Variants in FAM184A observed in about 807,000 individuals in gnomAD.
FAM184A encodes the protein family with sequence similarity 184 member A.
FAM184A carries 99 observed loss-of-function variants against 143.8 expected under a neutral mutation model. The ratio of observed to expected loss-of-function variants is 0.69; its 90% CI spans 0.58 to 0.81. The LOEUF (loss-of-function observed/expected upper bound fraction) is 0.81. Among genes scored for constraint, FAM184A ranks in the 40% least tolerant of loss-of-function variants. The pLI, the probability that FAM184A is intolerant of heterozygous loss-of-function variation, is 0.00. For missense variants in FAM184A, 1,217 were observed against 1,310.5 expected (o/e 0.93, Z 1.10); for synonymous variants, 427 against 446.4 (o/e 0.96, Z 0.55).
chr6:119,082,250 G>A (rs540815946), upstream of FAM184A, among the ~76,000 whole-genome samples: 1 of 152,140 alleles, frequency 6.6e-6, no homozygotes, highest in African/African-American at 2.4e-5. Flanking sequence ...AACACATGGG[G>A]ATTTCAATTC....
chr6:118,982,231 T>C (rs1365343436), intron 9 of FAM184A, among the ~76,000 whole-genome samples: 3 of 152,108 alleles, frequency 2.0e-5, no homozygotes, highest in East Asian at 1.9e-4. Flanking sequence ...AGAACAAAAA[T>C]AGACATTTGT....
intron 14 of FAM184A, among the ~76,000 whole-genome samples, chr6:118,970,357 A>G (rs1000814645): frequency 6.6e-6 from 1 of 151,926 alleles, no homozygotes; most frequent in African/African-American, 2.4e-5. Context: ...ACTCTATTTC[A>G]CAACACTCAG....
chr6:119,058,640 CTT>C (rs1196377810), intron 1 of FAM184A, among the ~76,000 whole-genome samples: 1 of 152,192 alleles, frequency 6.6e-6, no homozygotes, highest in Admixed American at 6.5e-5. Flanking sequence ...TTCCGGAACA[CTT>C]AGTCTCCAGG....
intron 1 of FAM184A, among the ~76,000 whole-genome samples, chr6:119,034,540 A>T (rs1786033123): frequency 6.6e-6 from 1 of 150,930 alleles, no homozygotes; most frequent in African/African-American, 2.4e-5. Flanking sequence ...TTGAGTCGTC[A>T]TATTCTTTGT....
intron 6 of FAM184A, among the ~76,000 whole-genome samples, chr6:119,010,981 AT>A (rs1167554422): frequency 3.3e-5 from 5 of 152,164 alleles, no homozygotes; most frequent in African/African-American, 1.2e-4. Flanking sequence ...TTCTGTTGAA[AT>A]TGTAGAAAAA....
chr6:119,028,847 C>T (rs1489810778), intron 1 of FAM184A, among the ~76,000 whole-genome samples: 1 of 152,120 alleles, frequency 6.6e-6, no homozygotes, highest in Admixed American at 6.6e-5. Flanking sequence ...AGCCTTTAAC[C>T]TGTGGAATCT....
chr6:119,118,919 C>G (rs1210155553), intron 1 of FAM184A, among the ~76,000 whole-genome samples: 2 of 152,112 alleles, frequency 1.3e-5, no homozygotes, highest in African/African-American at 2.4e-5. Flanking sequence ...CTTTCAAAAG[C>G]AAATGGGAGA....
chr6:119,105,484 C>T (rs1321214356), intron 1 of FAM184A, among the ~76,000 whole-genome samples: 1 of 152,154 alleles, frequency 6.6e-6, no homozygotes, highest in Non-Finnish European at 1.5e-5. Flanking sequence ...TCCCCTTTGC[C>T]TTCCACCATG....
intron 1 of FAM184A, among the ~76,000 whole-genome samples, chr6:119,094,582 G>A (rs945363527): frequency 3.3e-5 from 5 of 152,140 alleles, no homozygotes; most frequent in African/African-American, 1.2e-4. Context: ...GAGTAAACCT[G>A]TTCCAGAATA....
In FAM184A at chr6:119,020,032, G is replaced by A. The variant is rs750705082; in HGVS notation, c.1278C>T (p.Ser426=). ...GCTCTTCATCCAGACTTTGGGTTTT[G>A]CTTCGCAAAAAAGCTCTTTCCTCTT... ...QLEEERAFLR[S]KTQSLDEEQK... is the part of the protein sequence containing the mutation. Residue 426 remains serine (S), a synonymous_variant, in exon 4 of 18, where the codon AGC becomes AGT. Coordinates refer to ENST00000338891, the MANE Select transcript of FAM184A (RefSeq NM_024581.6). 3.7e-6 allele frequency: 6 copies of A among 1,605,180 alleles called. No homozygotes were observed. The African/African-American group carries it at 6.7e-5, about 18-fold the overall frequency.
At chr6:119,000,880 T>C (rs1784733232) in intron 9 of FAM184A, among the ~76,000 whole-genome samples, 1 of 151,092 alleles carries the variant, frequency 6.6e-6, no homozygotes, top group Non-Finnish European at 1.5e-5. Context: ...AGGAAATGAG[T>C]GAGACCAGTA....
chr6:119,055,173 T>G (rs1786916136), intron 1 of FAM184A, among the ~76,000 whole-genome samples: 1 of 152,206 alleles, frequency 6.6e-6, no homozygotes, highest in East Asian at 1.9e-4. Context: ...TCTGGCCTCT[T>G]TCACTTAGCA....
chr6:119,107,465 A>G (rs1200681599), intron 1 of FAM184A, among the ~76,000 whole-genome samples: 2 of 152,192 alleles, frequency 1.3e-5, no homozygotes, highest in Non-Finnish European at 2.9e-5. Context: ...AACTGCTTAG[A>G]AGCAGAGTTC....
intron 5 of FAM184A, among the ~76,000 whole-genome samples, chr6:119,012,424 A>G (rs1785116435): frequency 6.6e-6 from 1 of 152,206 alleles, no homozygotes; most frequent in African/African-American, 2.4e-5. Flanking sequence ...TCTGCCAGAA[A>G]CCAGACACAG....
At chr6:119,004,732 T>C (rs1784869394) in intron 7 of FAM184A, among the ~76,000 whole-genome samples, 1 of 152,214 alleles carries the variant, frequency 6.6e-6, no homozygotes, top group Admixed American at 6.5e-5. Flanking sequence ...GTTAAAATTC[T>C]CCAGCAGAAC....
chr6:118,990,662 T>A (rs1784349245), intron 9 of FAM184A, among the ~76,000 whole-genome samples: 2 of 151,462 alleles, frequency 1.3e-5, no homozygotes, highest in African/African-American at 4.9e-5. Context: ...GGTCAGGATT[T>A]CGAGACCAGC....
chr6:119,125,658 T>C (rs1196527389), intron 1 of FAM184A, among the ~76,000 whole-genome samples: 3 of 152,336 alleles, frequency 2.0e-5, no homozygotes, highest in Admixed American at 1.3e-4. Flanking sequence ...TTCTGGCATA[T>C]ACATATCTAA....
chr6:119,020,284 T>G, intron 3 of FAM184A, 125 bp from the exon 4 acceptor site: 1 of 625,336 alleles, frequency 1.6e-6, no homozygotes. Flanking sequence ...ATGTACAAAT[T>G]TTCCTTTTGT....
intron 1 of FAM184A, among the ~76,000 whole-genome samples, chr6:119,137,799 C>T (rs867685327): frequency 2.0e-5 from 3 of 152,222 alleles, no homozygotes; most frequent in Non-Finnish European, 2.9e-5. Context: ...AAGGCCCTGT[C>T]TCCGATGTCT....
Sources: allele counts gnomAD v4.1 joint callset (sites outside exome capture counted in the v4.1 genomes callset), GRCh38; gene constraint gnomAD v4.1.1; transcripts MANE v1.5; gene names NCBI Gene and HGNC (gene_info 2026-07-23, HGNC 2026-07-21).